DNAH3: variants seen among roughly 807,000 people sequenced by gnomAD.
DNAH3 encodes the protein axonemal beta dynein heavy chain 3.
DNAH3 carries 332 observed loss-of-function variants against 432.5 expected under a neutral mutation model. The ratio of observed to expected loss-of-function variants is 0.77; its 90% CI spans 0.70 to 0.84. The LOEUF is 0.84. Among genes scored for constraint, DNAH3 ranks in the 40% least tolerant of loss-of-function variants. The pLI, the probability that DNAH3 is intolerant of heterozygous loss-of-function variation, is 0.00. For missense variants in DNAH3, 4,861 were observed against 5,114.0 expected (o/e 0.95, Z 1.51); for synonymous variants, 1,956 against 1,900.2 (o/e 1.03, Z -0.76).
intron 56 of DNAH3, 32 bp downstream of exon 56, chr16:20,952,401 G>T (rs771169474): frequency 1.5e-6 from 2 of 1,332,296 alleles, no homozygotes; most frequent in South Asian, 2.3e-5. Context: ...GATACTGGAG[G>T]TTTACAGTGG....
At chr16:20,970,724 A>C (rs2085300147) in intron 51 of DNAH3, among the ~76,000 whole-genome samples, 1 of 152,142 alleles carries the variant, frequency 6.6e-6, no homozygotes, top group Non-Finnish European at 1.5e-5. Context: ...GATCATCCTC[A>C]TTAGGGGGGA....
exon 44 of DNAH3, chr16:20,997,292 C>A: frequency 1.2e-6 from 2 of 1,613,934 alleles, no homozygotes; most frequent in Non-Finnish European, 1.7e-6. Flanking sequence ...CCAGTAATGT[C>A]ATTCCTTCCT....
At chr16:21,075,531 C>T (rs1275580198) in exon 21 of DNAH3, 1 of 1,613,960 alleles carries the variant, frequency 6.2e-7, no homozygotes, top group Non-Finnish European at 8.5e-7. Flanking sequence ...GAGAGTATTC[C>T]TTGCTGGCAG....
intron 44 of DNAH3, among the ~76,000 whole-genome samples, chr16:20,995,608 G>A (rs145651980): frequency 8.3e-4 from 126 of 152,210 alleles, no homozygotes; most frequent in Non-Finnish European, 1.6e-3. Context: ...GTTGCTTTCT[G>A]AAAATTTCCG....
At chr16:21,147,828 T>C (rs370642780) in intron 1 of DNAH3, among the ~76,000 whole-genome samples, 2 of 152,198 alleles carry the variant, frequency 1.3e-5, no homozygotes, top group East Asian at 3.8e-4. Context: ...GTTTTTGTCT[T>C]AAGACTTAGC....
intron 52 of DNAH3, among the ~76,000 whole-genome samples, chr16:20,967,622 C>A (rs946198647): frequency 6.0e-5 from 9 of 150,492 alleles, no homozygotes; most frequent in Non-Finnish European, 1.0e-4. Flanking sequence ...CCTTCCTCAG[C>A]CTTCCGTGTA....
intron 19 of DNAH3, among the ~76,000 whole-genome samples, chr16:21,082,739 G>T (rs1203434165): frequency 1.3e-5 from 2 of 151,392 alleles, no homozygotes; most frequent in Non-Finnish European, 2.9e-5. Flanking sequence ...TGAGGCAAAA[G>T]AACAGCTTGA....
At chr16:21,040,903 C>T (rs149616098) in intron 32 of DNAH3, among the ~76,000 whole-genome samples, 1 of 152,302 alleles carries the variant, frequency 6.6e-6, no homozygotes, top group African/African-American at 2.4e-5. Flanking sequence ...GGAGAAGTAA[C>T]TTGCCTGAGT....
chr16:21,106,463 G>A (rs200890674), intron 15 of DNAH3, 27 bp downstream of exon 15: 844 of 1,528,094 alleles, frequency 5.5e-4, no homozygotes, highest in Non-Finnish European at 6.3e-4. Flanking sequence ...TATGCATTTC[G>A]ATGGTCACAC....
chr16:21,023,046 C>T (rs1042827158), intron 39 of DNAH3, among the ~76,000 whole-genome samples: 3 of 152,144 alleles, frequency 2.0e-5, no homozygotes, highest in African/African-American at 7.2e-5. Context: ...CCACGCTCAG[C>T]CTCTTTGTTA....
intron 28 of DNAH3, among the ~76,000 whole-genome samples, chr16:21,052,530 C>T (rs1449109335): frequency 6.6e-6 from 1 of 152,194 alleles, no homozygotes; most frequent in African/African-American, 2.4e-5. Context: ...TCCTTGACCT[C>T]TCTGTTCTTC....
chr16:21,118,950 A>G (rs1315387039), intron 11 of DNAH3, among the ~76,000 whole-genome samples: 2 of 152,198 alleles, frequency 1.3e-5, no homozygotes, highest in African/African-American at 4.8e-5. Context: ...AGAGTGTTTC[A>G]GTGAGTTACA....
Position 21,153,606 on chromosome 16 carries a change from T to C in DNAH3, c.117+5719A>G, listed in dbSNP as rs144122378. Among the ~76,000 whole-genome samples the C allele has an allele frequency of 2.4e-4, 36 of 152,272 alleles. 1 individual carries two copies. The South Asian group carries it at 3.9e-3, about 17-fold the overall frequency. On this transcript the variant is annotated intron_variant, in intron 1 of 61. Transcript: ENST00000261383. ...AGGTTTGTTCTTTCACTGTTTGGGTTCATGCCGCCTTAATAGCTGTAACAC... is the reference window on the plus strand; with the variant it reads ...AGGTTTGTTCTTTCACTGTTTGGGTCCATGCCGCCTTAATAGCTGTAACAC...
At chr16:21,083,786 G>C (rs1337507691) in intron 19 of DNAH3, among the ~76,000 whole-genome samples, 1 of 152,102 alleles carries the variant, frequency 6.6e-6, no homozygotes, top group African/African-American at 2.4e-5. Flanking sequence ...CCCAGGCCTG[G>C]GGCTGTCCCC....
chr16:21,118,747 A>G (rs2092266307), intron 11 of DNAH3, among the ~76,000 whole-genome samples: 2 of 152,284 alleles, frequency 1.3e-5, no homozygotes, highest in South Asian at 4.1e-4. Flanking sequence ...CTCAGCCTCC[A>G]AAAGTATTGA....
At chr16:20,965,397 T>C in exon 53 of DNAH3, 1 of 1,529,354 alleles carries the variant, frequency 6.5e-7, no homozygotes, top group Admixed American at 2.1e-5. Context: ...TCTTTTTGGA[T>C]ACCCCCCAGT....
chr16:21,069,851 G>A (rs552536423), intron 22 of DNAH3, among the ~76,000 whole-genome samples: 4 of 152,306 alleles, frequency 2.6e-5, no homozygotes, highest in East Asian at 1.9e-4. Context: ...AGTTATACAC[G>A]TAATCTGTGA....
intron 44 of DNAH3, among the ~76,000 whole-genome samples, chr16:20,988,365 TCTA>T (rs2086319562): frequency 6.6e-6 from 1 of 152,246 alleles, no homozygotes; most frequent in South Asian, 2.1e-4. Context: ...CTGCGGAAGT[TCTA>T]CTGAGTGCTA....
chr16:21,125,199 G>A (rs756241028), exon 9 of DNAH3: 22 of 1,607,338 alleles, frequency 1.4e-5, no homozygotes, highest in Admixed American at 6.8e-5. Context: ...AAAGGGAAAC[G>A]AGGTCCTCAA....
Sources: allele counts gnomAD v4.1 joint callset (sites outside exome capture counted in the v4.1 genomes callset), GRCh38; gene constraint gnomAD v4.1.1; transcripts MANE v1.5; gene names NCBI Gene and HGNC (gene_info 2026-07-23, HGNC 2026-07-21).